Variants in WNK3 observed in about 807,000 individuals in gnomAD.
WNK3 encodes the protein serine/threonine-protein kinase WNK3.
Under a neutral mutation model 116.7 loss-of-function variants are expected in WNK3, and 18 were observed. That is an observed-to-expected ratio of 0.15 (90% CI 0.11 to 0.23). The LOEUF (loss-of-function observed/expected upper bound fraction) is 0.23. WNK3 is among the 10% of genes least tolerant of loss of function. The pLI, the probability that WNK3 is intolerant of heterozygous loss-of-function variation, is 1.00. For missense variants in WNK3, 993 were observed against 1,323.8 expected (o/e 0.75, Z 3.88); for synonymous variants, 404 against 469.4 (o/e 0.86, Z 1.80).
intron 22 of WNK3, among the ~76,000 whole-genome samples, chrX:54,218,917 T>A (rs183224456): frequency 0.011 from 1,189 of 111,042 alleles, 13 homozygotes; most frequent in African/African-American, 0.038. Context: ...CTCTGTCTCA[T>A]AAATAAATTG....
In WNK3 at chrX:54,222,535, G is replaced by A. The variant is rs370363164; in HGVS notation, c.4870+6179C>T. On this transcript the variant is annotated intron_variant, in intron 22 of 23. Coordinates refer to ENST00000354646, the Ensembl canonical transcript of WNK3. ...GATCACACCACTGCACTCCAGCCTGGGTGACAGGGTGAGACCCTGTCTCAA... is the reference window on the plus strand; with the variant it reads ...GATCACACCACTGCACTCCAGCCTGAGTGACAGGGTGAGACCCTGTCTCAA... Among the ~76,000 whole-genome samples the A allele has an allele frequency of 9.3e-5, 10 of 108,100 alleles. No individual in the cohort carries two copies. The South Asian group carries it at 1.3e-3, about 14-fold the overall frequency. 93.9% of individuals were successfully genotyped at this position (108,100 alleles called of 115,157 possible). A position where few individuals can be genotyped will look rare whatever the true frequency, so the allele number is the denominator to read the frequency against.
chrX:54,218,852 C>A (rs1557145968), intron 22 of WNK3, among the ~76,000 whole-genome samples: 1 of 111,514 alleles, frequency 9.0e-6, no homozygotes, highest in African/African-American at 3.3e-5. Context: ...CGACTTCACA[C>A]CAGCCTGGGT....
intron 22 of WNK3, chrX:54,223,919 G>A (rs782271235): frequency 6.1e-4 from 86 of 140,379 alleles, no homozygotes; most frequent in Non-Finnish European, 7.6e-4. Flanking sequence ...GGCAGACAAA[G>A]GAGCTTTGGC....
intron 1 of WNK3, among the ~76,000 whole-genome samples, chrX:54,351,743 C>T (rs2069518633): frequency 1.8e-5 from 2 of 111,199 alleles, no homozygotes; most frequent in African/African-American, 6.5e-5. Context: ...AAAACCCCAC[C>T]TCTACCAAAA....
intron 22 of WNK3, among the ~76,000 whole-genome samples, chrX:54,226,492 G>GA (rs1871306083): frequency 2.5e-5 from 2 of 80,850 alleles, no homozygotes; most frequent in Non-Finnish European, 4.9e-5. Context: ...AAAAAAAGAA[G>GA]AAGAAAAAAA....
intron 10 of WNK3, among the ~76,000 whole-genome samples, chrX:54,283,282 AAAAAT>A (rs2068538823): frequency 1.8e-5 from 2 of 112,011 alleles, no homozygotes; most frequent in African/African-American, 6.5e-5. Context: ...CATCTCTACA[AAAAAT>A]AAAATAAAAG....
intron 1 of WNK3, among the ~76,000 whole-genome samples, chrX:54,338,783 C>A (rs1207247058): frequency 1.8e-5 from 2 of 108,944 alleles, no homozygotes; most frequent in Non-Finnish European, 1.9e-5. Flanking sequence ...GGGTGGATCA[C>A]CTGAGGTCAG....
At chrX:54,207,013 A>G (rs1164707188) in intron 22 of WNK3, among the ~76,000 whole-genome samples, 5 of 110,576 alleles carry the variant, frequency 4.5e-5, no homozygotes, top group African/African-American at 1.6e-4. Flanking sequence ...TGGGCAACAG[A>G]GCAAGACCGT....
At chrX:54,259,415 G>T (rs1383257012) in intron 10 of WNK3, 77 bp from the exon 11 acceptor site, 7 of 596,822 alleles carry the variant, frequency 1.2e-5, no homozygotes, top group Non-Finnish European at 1.8e-5. Flanking sequence ...TTACTATTCA[G>T]AAAACACGAT....
chrX:54,357,353 T>C (rs1286698817), intron 1 of WNK3, among the ~76,000 whole-genome samples: 3 of 108,427 alleles, frequency 2.8e-5, no homozygotes, highest in African/African-American at 1.0e-4. Flanking sequence ...AAAAAAAAAA[T>C]CAAAAACAAA....
chrX:54,245,051 T>G (rs1297293391), intron 17 of WNK3, among the ~76,000 whole-genome samples: 1 of 111,487 alleles, frequency 9.0e-6, no homozygotes, highest in Non-Finnish European at 1.9e-5. Context: ...AAAATCCCTG[T>G]AACAACCCTC....
At chrX:54,202,687 T>C (rs2067513655) in intron 22 of WNK3, among the ~76,000 whole-genome samples, 1 of 99,297 alleles carries the variant, frequency 1.0e-5, no homozygotes, top group Non-Finnish European at 2.0e-5. Context: ...AGACTCCGTC[T>C]CAAGAAAAAA....
chrX:54,283,247 C>A (rs1312694360), intron 10 of WNK3, among the ~76,000 whole-genome samples: 2 of 110,359 alleles, frequency 1.8e-5, no homozygotes, highest in Non-Finnish European at 3.8e-5. Flanking sequence ...AGTTCAAAAC[C>A]AGCCAGGGCT....
chrX:54,227,206 T>A (rs782071258), intron 22 of WNK3, among the ~76,000 whole-genome samples: 18 of 111,572 alleles, frequency 1.6e-4, no homozygotes, highest in Admixed American at 2.9e-4. Flanking sequence ...CTTAAAAATT[T>A]TTTTTTCTTT....
At chrX:54,288,818 G>A (rs2068608398) in intron 10 of WNK3, among the ~76,000 whole-genome samples, 1 of 111,547 alleles carries the variant, frequency 9.0e-6, no homozygotes, top group Non-Finnish European at 1.9e-5. Flanking sequence ...AACTACCTTG[G>A]GGTTGTGTTA....
intron 10 of WNK3, among the ~76,000 whole-genome samples, chrX:54,262,513 T>A (rs2068266694): frequency 9.0e-6 from 1 of 111,721 alleles, no homozygotes; most frequent in Non-Finnish European, 1.9e-5. Flanking sequence ...TGGCACAGTT[T>A]TTCTTCCTAT....
chrX:54,227,951 C>T (rs1331442148), intron 22 of WNK3, among the ~76,000 whole-genome samples: 2 of 111,025 alleles, frequency 1.8e-5, no homozygotes, highest in South Asian at 3.8e-4. Context: ...AGTGTAATGG[C>T]GTGAACACGG....
intron 21 of WNK3, among the ~76,000 whole-genome samples, chrX:54,232,072 AGTGT>A (rs1198136964): frequency 2.1e-5 from 2 of 94,618 alleles, no homozygotes; most frequent in African/African-American, 4.0e-5. Context: ...ATTCTTGTTG[AGTGT>A]GTGTGTGTGT....
chrX:54,214,832 G>A (rs889553842), intron 22 of WNK3, among the ~76,000 whole-genome samples: 1 of 111,108 alleles, frequency 9.0e-6, no homozygotes, highest in African/African-American at 3.3e-5. Context: ...TTAACACGGT[G>A]AGACCCCTGT....
Sources: allele counts gnomAD v4.1 joint callset (sites outside exome capture counted in the v4.1 genomes callset), GRCh38; gene constraint gnomAD v4.1.1; transcripts MANE v1.5; gene names NCBI Gene and HGNC (gene_info 2026-07-23, HGNC 2026-07-21).